PLA2G15: variants seen among roughly 807,000 people sequenced by gnomAD.
The protein encoded by PLA2G15 is lysosomal phospholipase A and acyltransferase.
In PLA2G15, 20 loss-of-function variants were observed where a neutral mutation model predicts 40.9. The observed-to-expected ratio is 0.49, with a 90% confidence interval of 0.34 to 0.71. The LOEUF is 0.71. PLA2G15 is among the 30% of genes least tolerant of loss of function. The pLI is 0.01. For synonymous variants in PLA2G15, 223 were observed against 228.2 expected (o/e 0.98, Z 0.21); for missense variants, 471 against 541.9 (o/e 0.87, Z 1.30).
rs754071818 is a variant in PLA2G15 at position 68,245,393 on chromosome 16, C to T, written c.-34C>T. The T allele has an allele frequency of 1.6e-5, 25 of 1,597,654 alleles. No homozygotes were observed. The South Asian group carries it at 2.4e-4, about 15-fold the overall frequency. On this transcript the variant is annotated 5_prime_UTR_variant, in exon 1 of 6. Coordinates refer to ENST00000219345, the MANE Select transcript of PLA2G15 (RefSeq NM_012320.4). ...TAGGCGAGAGCCCAGAGAGCTGAACCTGCATCCCGGACCTGCGGCGACCGT... is the reference window on the plus strand; with the variant it reads ...TAGGCGAGAGCCCAGAGAGCTGAACTTGCATCCCGGACCTGCGGCGACCGT...
chr16:68,250,989 G>T (rs1017405922), intron 2 of PLA2G15, among the ~76,000 whole-genome samples: 1 of 152,202 alleles, frequency 6.6e-6, no homozygotes, highest in East Asian at 1.9e-4. Flanking sequence ...TCATGTGCCC[G>T]AATTTGTCTG....
At chr16:68,246,157 C>T (rs368690736) in intron 1 of PLA2G15, among the ~76,000 whole-genome samples, 1 of 152,336 alleles carries the variant, frequency 6.6e-6, no homozygotes, top group East Asian at 1.9e-4. Flanking sequence ...TGGCCATGAA[C>T]CTGTGTCAGG....
At chr16:68,256,942 C>T (rs1023947590) in intron 5 of PLA2G15, among the ~76,000 whole-genome samples, 3 of 149,858 alleles carry the variant, frequency 2.0e-5, no homozygotes, top group Non-Finnish European at 3.0e-5. Flanking sequence ...AGTGCAGTAG[C>T]GTGATTTTGG....
At chr16:68,245,787 A>G (rs1213345009) in intron 1 of PLA2G15, among the ~76,000 whole-genome samples, 1 of 152,110 alleles carries the variant, frequency 6.6e-6, no homozygotes, top group Non-Finnish European at 1.5e-5. Flanking sequence ...GAGAGTTACC[A>G]TCTGGTTATT....
At position 68,259,364 on chromosome 16, in the gene PLA2G15, G is replaced by A. The variant is rs1327180697; in HGVS notation, c.946G>A (p.Gly316Arg). The A allele has an allele frequency of 6.2e-7, 1 of 1,613,992 alleles. No individual in the cohort carries two copies. The highest frequency in any genetic ancestry group is 1.3e-5 in the African/African-American group (1 of 75,070). ...DGWLMRQDTEGLVEATMPPGV... is the reference protein window; with the variant it reads ...DGWLMRQDTERLVEATMPPGV... The stretch of plus-strand genomic sequence containing the variant: ...CTGGCTCATGCGGCAGGACACAGAA[G>A]GGCTGGTGGAAGCCACGATGCCACC... The change falls in exon 6 of 6, where the codon GGG (glycine) becomes AGG (arginine). Residue 316 changes from glycine (G) to arginine (R), a missense_variant. By Grantham distance (125) the Gly-to-Arg change is moderately radical (BLOSUM62 -2). Coordinates refer to ENST00000219345, the MANE Select transcript of PLA2G15 (RefSeq NM_012320.4). The surrounding 1 kb of genome is among the most constrained non-coding windows in gnomAD (Gnocchi z 6.5).
At chr16:68,248,544 C>A in intron 1 of PLA2G15, 1 of 197,380 alleles carries the variant, frequency 5.1e-6, no homozygotes, top group South Asian at 5.5e-5. Context: ...TGCCACCACA[C>A]CAAGGTAATT....
chr16:68,257,304 G>C (rs923333604), intron 5 of PLA2G15, among the ~76,000 whole-genome samples: 4 of 152,104 alleles, frequency 2.6e-5, no homozygotes, highest in African/African-American at 9.7e-5. Flanking sequence ...GGATTACAAG[G>C]ATGAGCCACT....
At chr16:68,257,451 G>T (rs1370052416) in intron 5 of PLA2G15, among the ~76,000 whole-genome samples, 1 of 152,228 alleles carries the variant, frequency 6.6e-6, no homozygotes, top group Non-Finnish European at 1.5e-5. Context: ...AATTGGGAAA[G>T]CCACCCCTTT....
Position 68,255,259 on chromosome 16 carries a change from A to C in PLA2G15, c.404-23A>C, listed in dbSNP as rs1407636108. On this transcript the variant is annotated intron_variant, in intron 3 of 5. Transcript: ENST00000219345. This position sits in a 1 kb window ranked among gnomAD's most constrained non-coding sequence, Gnocchi z 5.9. ...GCCGGCACTAGCTGTATCTTTTCTT[A>C]TCCTCTGTATTTCTGTCTACAGGTT... is the stretch of plus-strand genomic sequence containing the variant. 1.6e-5 allele frequency: 25 copies of C among 1,556,066 alleles called. No homozygotes were observed. Among genetic ancestry groups the C allele is most frequent in the Non-Finnish European group, 2.0e-5 (23 of 1,127,846 alleles).
At position 68,260,078 on chromosome 16, in the gene PLA2G15, C is replaced by A. The variant is rs2042433965; in HGVS notation, c.*421C>A. ...GGGCTGTGGTCCTGTACCCAGAGGTCCCAGGGATCGGCTCCTGGCCCCTCG... is the reference window on the plus strand; with the variant it reads ...GGGCTGTGGTCCTGTACCCAGAGGTACCAGGGATCGGCTCCTGGCCCCTCG... On this transcript the variant is annotated 3_prime_UTR_variant, in exon 6 of 6. Coordinates refer to ENST00000219345, the MANE Select transcript of PLA2G15 (RefSeq NM_012320.4). 1.1e-5 allele frequency: 2 copies of A among 181,362 alleles called. No homozygotes were observed. Among genetic ancestry groups the A allele is most frequent in the South Asian group, 2.5e-4 (2 of 8,134 alleles). 11.2% of individuals were successfully genotyped at this position (181,362 alleles called of 1,614,324 possible).
In PLA2G15 at chr16:68,246,931, C is replaced by T. The variant is rs999811823; in HGVS notation, c.127+1378C>T. 1.2e-4 allele frequency among the ~76,000 whole-genome samples: 18 copies of T among 152,088 alleles called. 1 individual carries two copies. Among genetic ancestry groups the T allele is most frequent in the Admixed American group, 1.2e-3 (18 of 15,268 alleles). ...GAGTCCTGGGTTGGCCTGCAGAGTT[C>T]TAAGTCTGAGGGGCGTGGCATTAGG... On this transcript the variant is annotated intron_variant, in intron 1 of 5. Transcript: ENST00000219345.
intron 5 of PLA2G15, among the ~76,000 whole-genome samples, chr16:68,258,387 C>T (rs142438215): frequency 2.4e-4 from 36 of 152,316 alleles, no homozygotes; most frequent in Admixed American, 6.5e-4. Context: ...TCACTTTAGA[C>T]TAGGTCAGTG....
At chr16:68,251,182 G>T (rs1193044288) in intron 2 of PLA2G15, among the ~76,000 whole-genome samples, 1 of 152,058 alleles carries the variant, frequency 6.6e-6, no homozygotes, top group African/African-American at 2.4e-5. Context: ...GCTCAATGAG[G>T]TTACAAAATT....
At chr16:68,253,364 GT>G (rs1015592712) in intron 2 of PLA2G15, 9 of 420,300 alleles carry the variant, frequency 2.1e-5, no homozygotes, top group Admixed American at 1.0e-4. Flanking sequence ...CCTTTCTAGG[GT>G]TTGTTTTTGT....
In PLA2G15 at chr16:68,255,485, T is replaced by C. The variant is rs2042393194; in HGVS notation, c.502+105T>C. The C allele has an allele frequency of 1.3e-6, 1 of 761,914 alleles. No individual in the cohort carries two copies. The highest frequency in any genetic ancestry group is 2.7e-5 in the East Asian group (1 of 37,540). The allele number at this position is 761,914 out of a possible 1,614,324, so 47.2% of individuals were successfully genotyped here. A position where few individuals can be genotyped will look rare whatever the true frequency, so the allele number is the denominator to read the frequency against. Reference sequence around the variant, plus strand: ...TCTCCCCTTGTCCTTGGCTGTCTCCTGTCCCTGGGCCTCTGGCATCCAGTC... The same window carrying C: ...TCTCCCCTTGTCCTTGGCTGTCTCCCGTCCCTGGGCCTCTGGCATCCAGTC... On this transcript the variant is annotated intron_variant, in intron 4 of 5. Transcript: ENST00000219345. This position sits in a 1 kb window ranked among gnomAD's most constrained non-coding sequence, Gnocchi z 5.9.
chr16:68,258,641 G>C lies in PLA2G15; in HGVS notation c.728-505G>C, dbSNP rs1596951717. On this transcript the variant is annotated intron_variant, in intron 5 of 5. Coordinates refer to ENST00000219345, the MANE Select transcript of PLA2G15 (RefSeq NM_012320.4). ...AAAAAGTGGAAACATTTTTAGCCCA[G>C]GCGTGGTGGGACGTGCTTGTAGTTC... 3.9e-5 allele frequency among the ~76,000 whole-genome samples: 6 copies of C among 152,194 alleles called. No individual in the cohort carries two copies. The South Asian group carries it at 1.0e-3, about 26-fold the overall frequency.
Position 68,255,195 on chromosome 16 carries a change from C to T in PLA2G15, c.404-87C>T, listed in dbSNP as rs2042390427. On this transcript the variant is annotated intron_variant, in intron 3 of 5. Coordinates refer to ENST00000219345, the MANE Select transcript of PLA2G15 (RefSeq NM_012320.4). This position sits in a 1 kb window ranked among gnomAD's most constrained non-coding sequence, Gnocchi z 5.9. ...CCTGTAGCATTCTTCCAAGGACCTGCTAGCTGTCACAGTCTCCATGCTGGG... is the reference window on the plus strand; with the variant it reads ...CCTGTAGCATTCTTCCAAGGACCTGTTAGCTGTCACAGTCTCCATGCTGGG... 6 of 1,075,734 alleles carry T rather than the reference C, an allele frequency of 5.6e-6. No individual in the cohort carries two copies. The highest frequency in any genetic ancestry group is 7.2e-6 in the Non-Finnish European group (5 of 698,540). 66.6% of individuals were successfully genotyped at this position (1,075,734 alleles called of 1,614,324 possible).
Position 68,255,466 on chromosome 16 carries a change from C to T in PLA2G15, c.502+86C>T. 1 of 911,560 alleles carries T rather than the reference C, an allele frequency of 1.1e-6. No homozygotes were observed. Among genetic ancestry groups the T allele is most frequent in the Non-Finnish European group, 1.7e-6 (1 of 598,256 alleles). The allele number at this position is 911,560 out of a possible 1,614,324, so 56.5% of individuals were successfully genotyped here. On this transcript the variant is annotated intron_variant, in intron 4 of 5. Coordinates refer to ENST00000219345, the MANE Select transcript of PLA2G15 (RefSeq NM_012320.4). The surrounding 1 kb of genome is among the most constrained non-coding windows in gnomAD (Gnocchi z 5.9). ...GGCACCACAGACCTTGGGCTCTCCC[C>T]TTGTCCTTGGCTGTCTCCTGTCCCT...
At chr16:68,252,273 T>C (rs1332740580) in intron 2 of PLA2G15, among the ~76,000 whole-genome samples, 1 of 152,190 alleles carries the variant, frequency 6.6e-6, no homozygotes, top group African/African-American at 2.4e-5. Context: ...CAGGACCTGT[T>C]ATCTGGGTCA....
Sources: allele counts gnomAD v4.1 joint callset (sites outside exome capture counted in the v4.1 genomes callset), GRCh38; gene constraint gnomAD v4.1.1; non-coding constraint Gnocchi (gnomAD v3.1); transcripts MANE v1.5; gene names NCBI Gene and HGNC (gene_info 2026-07-23, HGNC 2026-07-21).